The following MCC variants were observed in gnomAD, a reference collection of about 807,000 sequenced individuals.
The protein encoded by MCC is colorectal mutant cancer protein.
MCC carries 90 observed loss-of-function variants against 116.2 expected under a neutral mutation model. The ratio of observed to expected loss-of-function variants is 0.77; its 90% confidence interval spans 0.65 to 0.92. The LOEUF (loss-of-function observed/expected upper bound fraction) is 0.92. Ranked by LOEUF, MCC falls within the 40% of genes least tolerant of loss-of-function variation. The pLI is 0.00. For synonymous variants in MCC, 578 were observed against 510.5 expected, an observed-to-expected ratio of 1.13 and a Z score of -1.78; for missense variants, 1,516 against 1,312.2, an observed-to-expected ratio of 1.16 and a Z score of -2.40.
intron 1 of MCC, among the ~76,000 whole-genome samples, chr5:113,386,907 A>G (rs1362117092): frequency 2.0e-5 from 3 of 151,998 alleles, no homozygotes; most frequent in African/African-American, 4.8e-5. Flanking sequence ...ATTAGTCCTA[A>G]TTTTTCATTA....
intron 6 of MCC, among the ~76,000 whole-genome samples, chr5:113,115,377 G>C (rs565174553): frequency 6.6e-6 from 1 of 152,200 alleles, no homozygotes; most frequent in Non-Finnish European, 1.5e-5. Flanking sequence ...CAAAGCAATC[G>C]AGGCTGCATT....
At position 113,120,228 on chromosome 5, in the gene MCC, T is replaced by C. The variant is rs1019906059; in HGVS notation, c.1027+2456A>G. On this transcript the variant is annotated intron_variant, in intron 6 of 18. Coordinates refer to ENST00000408903, the MANE Select transcript of MCC (RefSeq NM_001085377.2). ...GAGATTTATGATGCCCTTATGAACT[T>C]AGCATGTTGGTATGAACTTAGCATG... is the stretch of plus-strand genomic sequence containing the variant. 3.3e-5 allele frequency among the ~76,000 whole-genome samples: 5 copies of C among 152,170 alleles called. No homozygotes were observed. The East Asian group carries it at 9.6e-4, about 29-fold the overall frequency.
At chr5:113,039,833 G>A (rs1377182472) in intron 17 of MCC, among the ~76,000 whole-genome samples, 4 of 151,818 alleles carry the variant, frequency 2.6e-5, no homozygotes, top group East Asian at 1.9e-4. Flanking sequence ...TCCCGAGGGC[G>A]GGCTGCACAA....
chr5:113,301,676 C>T (rs1478823358), intron 3 of MCC, among the ~76,000 whole-genome samples: 1 of 151,982 alleles, frequency 6.6e-6, no homozygotes, highest in Non-Finnish European at 1.5e-5. Flanking sequence ...AAGAAGGAGC[C>T]AACTAGGCAA....
intron 3 of MCC, among the ~76,000 whole-genome samples, chr5:113,299,858 C>T (rs901365143): frequency 2.6e-5 from 4 of 152,184 alleles, no homozygotes; most frequent in Non-Finnish European, 5.9e-5. Context: ...TGCAATCAGG[C>T]AATAGCCTGG....
intron 6 of MCC, among the ~76,000 whole-genome samples, chr5:113,109,059 C>A (rs1198518660): frequency 6.6e-6 from 1 of 152,244 alleles, no homozygotes; most frequent in Admixed American, 6.5e-5. Context: ...CCACTCACCG[C>A]CAGCATCCAC....
rs546761625 is a variant in MCC at position 113,464,185 on chromosome 5, G to T, written c.170+24060C>A. Among the ~76,000 whole-genome samples, 20 of 152,246 alleles carry T rather than the reference G, an allele frequency of 1.3e-4. 1 individual carries two copies. In the East Asian group the frequency reaches 3.9e-3, roughly 29 times the overall value. ...CAGTGGGTTGAGGAGTTTATGAGAA[G>T]CAAGAAAATGGAGACAGTAAATATA... On this transcript the variant is annotated intron_variant, in intron 1 of 18. Transcript: ENST00000408903.
Position 113,456,767 on chromosome 5 carries a change from G to C in MCC, c.170+31478C>G, listed in dbSNP as rs255879. Among the ~76,000 whole-genome samples, 19 of 148,036 alleles carry C rather than the reference G, an allele frequency of 1.3e-4. No homozygotes were observed. The East Asian group carries it at 3.7e-3, about 29-fold the overall frequency. ...ATTACAGGCGTGAGCCACTGCGCCCGGCCAATGAGCACTACTTTTTTTTTT... is the reference window on the plus strand; with the variant it reads ...ATTACAGGCGTGAGCCACTGCGCCCCGCCAATGAGCACTACTTTTTTTTTT... On this transcript the variant is annotated intron_variant, in intron 1 of 18. Coordinates refer to ENST00000408903, the MANE Select transcript of MCC (RefSeq NM_001085377.2).
intron 1 of MCC, among the ~76,000 whole-genome samples, chr5:113,484,226 G>A (rs1161970130): frequency 2.0e-5 from 3 of 152,124 alleles, no homozygotes; most frequent in South Asian, 2.1e-4. Context: ...AAACCCCCAC[G>A]ACACAAGTTT....
At chr5:113,203,809 T>C (rs1279676568) in intron 3 of MCC, among the ~76,000 whole-genome samples, 1 of 152,182 alleles carries the variant, frequency 6.6e-6, no homozygotes, top group Non-Finnish European at 1.5e-5. Flanking sequence ...GCTATTAGAT[T>C]TCTTTGCCAT....
At chr5:113,470,774 T>C (rs1477452739) in intron 1 of MCC, among the ~76,000 whole-genome samples, 1 of 152,006 alleles carries the variant, frequency 6.6e-6, no homozygotes, top group Non-Finnish European at 1.5e-5. Flanking sequence ...TCCTGCAGTG[T>C]TTTCCAACTT....
intron 1 of MCC, among the ~76,000 whole-genome samples, chr5:113,468,462 C>T (rs1289432813): frequency 1.3e-5 from 2 of 152,152 alleles, no homozygotes; most frequent in Non-Finnish European, 2.9e-5. Context: ...GTCTTTGGTT[C>T]TGTTTACATG....
intron 8 of MCC, among the ~76,000 whole-genome samples, chr5:113,087,337 G>A (rs1208451471): frequency 2.0e-5 from 3 of 152,190 alleles, no homozygotes; most frequent in Non-Finnish European, 2.9e-5. Flanking sequence ...ACGGAGGATC[G>A]ATGGAAACGC....
intron 1 of MCC, among the ~76,000 whole-genome samples, chr5:113,487,030 C>G (rs1772551385): frequency 6.6e-6 from 1 of 152,100 alleles, no homozygotes; most frequent in South Asian, 2.1e-4. Flanking sequence ...ATATTATTTT[C>G]ATTTCCGAAC....
At chr5:113,271,465 A>G (rs1765616526) in intron 3 of MCC, among the ~76,000 whole-genome samples, 1 of 152,250 alleles carries the variant, frequency 6.6e-6, no homozygotes, top group Non-Finnish European at 1.5e-5. Context: ...TACTTTAGTA[A>G]AGAATTTCCT....
rs1764794635 is a variant in MCC, at chr5:113,251,386, T to C, written c.627+89133A>G. ...TTGGAAAAGGAATACCACCATAATG[T>C]GTACTATGATAAACTTTAAGATACA... On this transcript the variant is annotated intron_variant, in intron 3 of 18. Transcript: ENST00000408903. Among the ~76,000 whole-genome samples the C allele has an allele frequency of 2.6e-5, 4 of 152,332 alleles. No homozygotes were observed. In the South Asian group the frequency reaches 8.3e-4, roughly 32 times the overall value.
At chr5:113,043,443 TCTC>T in intron 17 of MCC, 84 bp downstream of exon 17, 1 of 1,224,188 alleles carries the variant, frequency 8.2e-7, no homozygotes, top group Non-Finnish European at 1.2e-6. Context: ...ATCAGCACCT[TCTC>T]CTTTTGGGAG....
chr5:113,051,877 C>G (rs1752510742), intron 15 of MCC, among the ~76,000 whole-genome samples: 1 of 152,074 alleles, frequency 6.6e-6, no homozygotes, highest in South Asian at 2.1e-4. Flanking sequence ...TCCAACGTAA[C>G]CTGCTGGATA....
At chr5:113,052,096 T>A (rs1752523284) in intron 15 of MCC, among the ~76,000 whole-genome samples, 2 of 150,562 alleles carry the variant, frequency 1.3e-5, no homozygotes, top group Non-Finnish European at 3.0e-5. Flanking sequence ...AGTACACATT[T>A]TATTTTCAAG....
Sources: gnomAD v4.1 joint callset for allele counts (sites outside exome capture counted in the v4.1 genomes callset) on GRCh38, gnomAD v4.1.1 for gene constraint, MANE v1.5 for transcripts, NCBI Gene and HGNC (gene_info 2026-07-23, HGNC 2026-07-21) for gene names.